SLC6A3: variants seen among roughly 807,000 people sequenced by gnomAD.
The protein encoded by SLC6A3 is solute carrier family 6 member 3.
SLC6A3 carries 19 observed loss-of-function variants against 70.4 expected under a neutral mutation model. The ratio of observed to expected loss-of-function variants is 0.27; its 90% CI spans 0.19 to 0.40. The LOEUF (loss-of-function observed/expected upper bound fraction) is 0.40, where lower values mean the gene tolerates loss of function less well. Among genes scored for constraint, SLC6A3 ranks in the 10% least tolerant of loss-of-function variants. SLC6A3 has a pLI of 1.00. For missense variants in SLC6A3, 613 were observed against 838.5 expected, an observed-to-expected ratio of 0.73 and a Z score of 3.32; for synonymous variants, 368 against 356.6, an observed-to-expected ratio of 1.03 and a Z score of -0.36.
Position 1,414,710 on chromosome 5 carries a change from G to C in SLC6A3, c.1137C>G (p.Ile379Met). ...GYMAQKHSVP[I>M]GDVAKDGPGL... is the part of the protein sequence containing the mutation. ...GCTCACCGTCCTTGGCCACGTCCCC[G>C]ATGGGCACACTGTGCTTCTGTGCCA... The change falls in exon 8 of 15, where the codon ATC (isoleucine) becomes ATG (methionine). Residue 379 changes from isoleucine to methionine, a missense_variant. Physicochemically the swap from Ile to Met is conservative, Grantham distance 10. This residue lies in a region of SLC6A3 where 348 missense variants were observed against 481.2 expected (regional missense o/e 0.72). Coordinates refer to ENST00000270349, the MANE Select transcript of SLC6A3 (RefSeq NM_001044.5). 1.2e-6 allele frequency: 2 copies of C among 1,612,560 alleles called. No homozygotes were observed. The highest frequency in any genetic ancestry group is 1.7e-6 in the Non-Finnish European group (2 of 1,179,796).
In SLC6A3 at chr5:1,413,311, T is replaced by C. The variant is rs1012471828; in HGVS notation, c.1156+1380A>G. Reference sequence around the variant, plus strand: ...TTTCCTAGTGGAAAGAACATGGGCTTAGGAGGCCCACCTCTGAGCTGTGGC... The same window carrying C: ...TTTCCTAGTGGAAAGAACATGGGCTCAGGAGGCCCACCTCTGAGCTGTGGC... On this transcript the variant is annotated intron_variant, in intron 8 of 14. Transcript: ENST00000270349. The surrounding 1 kb of genome is among the most constrained non-coding windows in gnomAD (Gnocchi z 7.1). Among the ~76,000 whole-genome samples, 1 of 152,194 alleles carries C rather than the reference T, an allele frequency of 6.6e-6. No homozygotes were observed. Among genetic ancestry groups the C allele is most frequent in the Non-Finnish European group, 1.5e-5 (1 of 68,020 alleles).
chr5:1,419,071 A>G (rs1560916316), intron 6 of SLC6A3, among the ~76,000 whole-genome samples: 1 of 147,568 alleles, frequency 6.8e-6, no homozygotes, highest in Non-Finnish European at 1.5e-5. Context: ...TCCATTATCC[A>G]TCTGTCCATC....
At chr5:1,444,520 T>C (rs779489888) in intron 1 of SLC6A3, among the ~76,000 whole-genome samples, 1 of 152,194 alleles carries the variant, frequency 6.6e-6, no homozygotes, top group Non-Finnish European at 1.5e-5. Flanking sequence ...CAGGCAACTT[T>C]CCCTGCATCC....
intron 4 of SLC6A3, among the ~76,000 whole-genome samples, chr5:1,422,490 T>C (rs1477460018): frequency 4.6e-5 from 6 of 130,436 alleles, no homozygotes; most frequent in Non-Finnish European, 8.0e-5. Flanking sequence ...CTGCCCACAG[T>C]GCTGCCCACG....
At position 1,411,376 on chromosome 5, in the gene SLC6A3, C is replaced by T; in HGVS notation, c.1157-21G>A. 6.6e-7 allele frequency: 1 copy of T among 1,526,220 alleles called. No homozygotes were observed. The highest frequency in any genetic ancestry group is 1.2e-5 in the South Asian group (1 of 83,548). The allele number at this position is 1,526,220 out of a possible 1,614,324, so 94.5% of individuals were successfully genotyped here. Reference sequence around the variant, plus strand: ...TGGCCCTGAAACAGAACCCGCCCTGCTTGCCACAGAGCCCACGCTGTGCTC... The same window carrying T: ...TGGCCCTGAAACAGAACCCGCCCTGTTTGCCACAGAGCCCACGCTGTGCTC... On this transcript the variant is annotated intron_variant, in intron 8 of 14. Coordinates refer to ENST00000270349, the MANE Select transcript of SLC6A3 (RefSeq NM_001044.5). This position sits in a 1 kb window ranked among gnomAD's most constrained non-coding sequence, Gnocchi z 6.5.
At chr5:1,415,259 G>A (rs1756258958) in intron 7 of SLC6A3, among the ~76,000 whole-genome samples, 2 of 152,132 alleles carry the variant, frequency 1.3e-5, no homozygotes, top group Non-Finnish European at 2.9e-5. Context: ...CCACTCTGAG[G>A]GCTGAGAAAC....
chr5:1,411,485 A>G lies in SLC6A3; in HGVS notation c.1157-130T>C, dbSNP rs1034638049. ...GACTAGGGCTGGTGCGGCTCTGCTG[A>G]AAAGCCCCCTTCTATATGTCCAGCA... On this transcript the variant is annotated intron_variant, in intron 8 of 14. Transcript: ENST00000270349. The surrounding 1 kb of genome is among the most constrained non-coding windows in gnomAD (Gnocchi z 6.5). 6.4e-5 allele frequency: 47 copies of G among 735,840 alleles called. No individual in the cohort carries two copies. The highest frequency in any genetic ancestry group is 1.1e-4 in the Non-Finnish European group (44 of 414,312). 45.6% of individuals were successfully genotyped at this position (735,840 alleles called of 1,614,324 possible).
intron 3 of SLC6A3, among the ~76,000 whole-genome samples, chr5:1,439,554 T>G (rs1184712808): frequency 6.6e-6 from 1 of 152,178 alleles, no homozygotes; most frequent in Non-Finnish European, 1.5e-5. Context: ...TCAGCAGCTG[T>G]GAAATGCCAT....
chr5:1,443,577 T>A (rs921973390), intron 1 of SLC6A3, among the ~76,000 whole-genome samples: 1 of 152,236 alleles, frequency 6.6e-6, no homozygotes, highest in Non-Finnish European at 1.5e-5. Flanking sequence ...TGCATGGATA[T>A]CACTTCCACC....
intron 3 of SLC6A3, among the ~76,000 whole-genome samples, 180 bp from the exon 4 acceptor site, chr5:1,432,878 C>A (rs1478695508): frequency 6.6e-6 from 1 of 152,134 alleles, no homozygotes; most frequent in East Asian, 1.9e-4. Context: ...GGCCTGAGAC[C>A]AGATTTCACA....
At chr5:1,418,027 G>A (rs902024544) in intron 6 of SLC6A3, among the ~76,000 whole-genome samples, 3 of 152,216 alleles carry the variant, frequency 2.0e-5, no homozygotes, top group African/African-American at 4.8e-5. Flanking sequence ...GCCAGGCCCC[G>A]CAGTCAGGAC....
rs1415038745 is a variant in SLC6A3, at chr5:1,392,999, G to A, written c.*1736C>T. On this transcript the variant is annotated 3_prime_UTR_variant, in exon 15 of 15. Transcript: ENST00000270349. ...GTGTCCCTCCCCAGAAGGCAATGGG[G>A]AAGCCGCTCTCTGTGCTGACTGCAG... The A allele has an allele frequency of 6.6e-6, 1 of 151,458 alleles. No individual in the cohort carries two copies. The highest frequency in any genetic ancestry group is 1.5e-5 in the Non-Finnish European group (1 of 68,044). 9.4% of individuals were successfully genotyped at this position (151,458 alleles called of 1,614,324 possible).
At chr5:1,433,732 T>A (rs181434809) in intron 3 of SLC6A3, among the ~76,000 whole-genome samples, 1 of 149,766 alleles carries the variant, frequency 6.7e-6, no homozygotes, top group Non-Finnish European at 1.5e-5. Flanking sequence ...TCCATAGCCA[T>A]CCACAACCAT....
intron 1 of SLC6A3, 44 bp from the exon 2 acceptor site, chr5:1,443,286 A>C: frequency 1.4e-6 from 2 of 1,448,624 alleles, no homozygotes; most frequent in Non-Finnish European, 1.9e-6. Flanking sequence ...GAACGCAACA[A>C]TTCAGCAGCC....
chr5:1,411,817 TACACACTCAGACACACATACCATGCA>T lies in SLC6A3; in HGVS notation c.1157-488_1157-463del. ...ACTCAGACACACATACCATGCAACATACACACTCAGACACACATACCATGCAACATACACACTCAGACACACATACC... is the reference window on the plus strand; with the variant it reads ...ACTCAGACACACATACCATGCAACATACATACACACTCAGACACACATACC... On this transcript the variant is annotated intron_variant, in intron 8 of 14. Transcript: ENST00000270349. This position sits in a 1 kb window ranked among gnomAD's most constrained non-coding sequence, Gnocchi z 6.5. Among the ~76,000 whole-genome samples the T allele has an allele frequency of 6.7e-6, 1 of 148,932 alleles. No homozygotes were observed. The highest frequency in any genetic ancestry group is 1.5e-5 in the Non-Finnish European group (1 of 66,938).
At chr5:1,423,834 G>C (rs1756519157) in intron 4 of SLC6A3, among the ~76,000 whole-genome samples, 1 of 152,250 alleles carries the variant, frequency 6.6e-6, no homozygotes, top group Admixed American at 6.5e-5. Context: ...GTCAGGAGCT[G>C]TGACAGACAG....
chr5:1,428,463 T>C (rs1304663350), intron 4 of SLC6A3, among the ~76,000 whole-genome samples: 3 of 152,312 alleles, frequency 2.0e-5, no homozygotes, highest in Non-Finnish European at 4.4e-5. Flanking sequence ...TGTGGTCCTG[T>C]GTTGGGGTTT....
rs115782192 is a variant in SLC6A3 at position 1,396,456 on chromosome 5, G to C, written c.1840-1698C>G. On this transcript the variant is annotated intron_variant, in intron 14 of 14. Coordinates refer to ENST00000270349, the MANE Select transcript of SLC6A3 (RefSeq NM_001044.5). This position sits in a 1 kb window ranked among gnomAD's most constrained non-coding sequence, Gnocchi z 7.0. ...GCTCGCTGCCTCGAGGGAGTTTCTA[G>C]ATTGCAGCACAGGGAGGGTGCAGCC... Among the ~76,000 whole-genome samples the C allele has an allele frequency of 2.0e-3, 302 of 152,344 alleles. No individual in the cohort carries two copies. Among genetic ancestry groups the C allele is most frequent in the African/African-American group, 7.1e-3 (294 of 41,578 alleles).
rs1413195308 is a variant in SLC6A3 at position 1,397,397 on chromosome 5, C to T, written c.1840-2639G>A. ...AGTGAGCCGAGATTGCGCCACTGCA[C>T]TCCAGCCTGGGCTACAGAGCGAGAC... On this transcript the variant is annotated intron_variant, in intron 14 of 14. Coordinates refer to ENST00000270349, the MANE Select transcript of SLC6A3 (RefSeq NM_001044.5). The surrounding 1 kb of genome is among the most constrained non-coding windows in gnomAD (Gnocchi z 4.7). 6.6e-6 allele frequency among the ~76,000 whole-genome samples: 1 copy of T among 152,210 alleles called. No individual in the cohort carries two copies. The highest frequency in any genetic ancestry group is 1.5e-5 in the Non-Finnish European group (1 of 68,044).
Sources: gnomAD v4.1 joint callset for allele counts (sites outside exome capture counted in the v4.1 genomes callset) on GRCh38, gnomAD v4.1.1 for gene constraint, gnomAD v4.1.1 regional missense constraint, Gnocchi (gnomAD v3.1) non-coding constraint, MANE v1.5 for transcripts, NCBI Gene and HGNC (gene_info 2026-07-23, HGNC 2026-07-21) for gene names.